Variants in EPHA6 observed in about 807,000 individuals in gnomAD.
The protein encoded by EPHA6 is EPH receptor A6.
EPHA6 carries 50 observed loss-of-function variants against 112.0 expected under a neutral mutation model. The observed-to-expected ratio is 0.45, with a 90% CI of 0.36 to 0.56. The LOEUF is 0.56. Among genes scored for constraint, EPHA6 ranks in the 20% least tolerant of loss-of-function variants. The pLI, the probability that EPHA6 is intolerant of heterozygous loss-of-function variation, is 0.00. For synonymous variants in EPHA6, 529 were observed against 490.7 expected, an observed-to-expected ratio of 1.08 and a Z score of -1.03; for missense variants, 1,280 against 1,417.4, an observed-to-expected ratio of 0.90 and a Z score of 1.56.
chr3:97,168,397 T>A (rs945292795), intron 3 of EPHA6, among the ~76,000 whole-genome samples: 1 of 152,118 alleles, frequency 6.6e-6, no homozygotes, highest in Non-Finnish European at 1.5e-5. Context: ...GGGTGGTTTC[T>A]AGTGCTGGAG....
rs780244403 is a variant in EPHA6 at position 97,492,547 on chromosome 3, C to CAAAAAAAAAAA, written c.2200+8525_2200+8535dup. On this transcript the variant is annotated intron_variant, in intron 10 of 17. Coordinates refer to ENST00000389672, the MANE Select transcript of EPHA6 (RefSeq NM_001080448.3). Reference sequence around the variant, plus strand: ...ACAGAGCGAGAGTGAGACTCAGTCTCAAAAAAAAAAAAAAAAAAAAAAAAA... The same window carrying CAAAAAAAAAAA: ...ACAGAGCGAGAGTGAGACTCAGTCTCAAAAAAAAAAAAAAAAAAAAAAAAAAAAAAAAAAAA... 5.5e-4 allele frequency among the ~76,000 whole-genome samples: 16 copies of CAAAAAAAAAAA among 28,942 alleles called. 5 individuals are homozygous for CAAAAAAAAAAA. The highest frequency in any genetic ancestry group is 2.4e-3 in the East Asian group (1 of 412). 19.0% of individuals were successfully genotyped at this position (28,942 alleles called of 152,430 possible). A position where few individuals can be genotyped will look rare whatever the true frequency, so the allele number is the denominator to read the frequency against.
At chr3:96,971,764 A>G (rs768437334) in intron 2 of EPHA6, among the ~76,000 whole-genome samples, 6 of 152,174 alleles carry the variant, frequency 3.9e-5, no homozygotes, top group Non-Finnish European at 8.8e-5. Context: ...GCAAGGTAAG[A>G]TGAAGAATGT....
rs1463103605 is a variant in EPHA6 at position 97,380,509 on chromosome 3, AG to A, written c.1607-24635del. 3.3e-5 allele frequency among the ~76,000 whole-genome samples: 5 copies of A among 152,230 alleles called. No individual in the cohort carries two copies. The South Asian group carries it at 8.3e-4, about 25-fold the overall frequency. On this transcript the variant is annotated intron_variant, in intron 5 of 17. Coordinates refer to ENST00000389672, the MANE Select transcript of EPHA6 (RefSeq NM_001080448.3). Reference sequence around the variant, plus strand: ...TGGGCTTCAGGAACACAGGGTGGTGAGGGGGGAAATGTGCCACAAGACTTTC... The same window carrying A: ...TGGGCTTCAGGAACACAGGGTGGTGAGGGGGAAATGTGCCACAAGACTTTC...
At chr3:97,138,211 G>C (rs1383571166) in intron 3 of EPHA6, among the ~76,000 whole-genome samples, 1 of 152,150 alleles carries the variant, frequency 6.6e-6, no homozygotes, top group African/African-American at 2.4e-5. Flanking sequence ...CTTCTAGACT[G>C]TCTGAGGAAG....
chr3:96,891,976 A>G (rs1218710122), intron 2 of EPHA6, among the ~76,000 whole-genome samples: 2 of 152,152 alleles, frequency 1.3e-5, no homozygotes, highest in East Asian at 3.9e-4. Flanking sequence ...TACATTGCCT[A>G]TTGGTGCAGT....
intron 5 of EPHA6, among the ~76,000 whole-genome samples, chr3:97,275,829 G>A (rs1383468936): frequency 1.3e-5 from 2 of 152,166 alleles, no homozygotes; most frequent in East Asian, 3.9e-4. Context: ...GGTGGGTTAA[G>A]GTGGGGGGAT....
intron 16 of EPHA6, among the ~76,000 whole-genome samples, chr3:97,744,097 C>A (rs959907246): frequency 6.6e-6 from 1 of 151,892 alleles, no homozygotes; most frequent in Non-Finnish European, 1.5e-5. Flanking sequence ...ACCTATACTC[C>A]AGCCCTTTCT....
At chr3:97,611,297 A>G (rs1345788241) in intron 13 of EPHA6, among the ~76,000 whole-genome samples, 1 of 151,898 alleles carries the variant, frequency 6.6e-6, no homozygotes, top group Non-Finnish European at 1.5e-5. Flanking sequence ...AAAATGTTCT[A>G]TCAACTTTGT....
chr3:97,261,583 CATT>C (rs2079505212), intron 5 of EPHA6, among the ~76,000 whole-genome samples: 1 of 152,146 alleles, frequency 6.6e-6, no homozygotes, highest in Non-Finnish European at 1.5e-5. Flanking sequence ...TGTCTTTAGA[CATT>C]TATAGGACAA....
chr3:97,218,967 C>CA (rs2078112987), intron 3 of EPHA6, among the ~76,000 whole-genome samples: 1 of 152,084 alleles, frequency 6.6e-6, no homozygotes, highest in African/African-American at 2.4e-5. Flanking sequence ...CTCCAGGCCT[C>CA]CTGTAAGTCT....
At chr3:96,879,487 A>G (rs565343851) in intron 2 of EPHA6, among the ~76,000 whole-genome samples, 2 of 152,184 alleles carry the variant, frequency 1.3e-5, no homozygotes, top group East Asian at 3.9e-4. Context: ...ACATTGGTCA[A>G]TGTGGACAAA....
chr3:97,313,163 T>C (rs2081641801), intron 5 of EPHA6, among the ~76,000 whole-genome samples: 2 of 151,554 alleles, frequency 1.3e-5, no homozygotes, highest in Admixed American at 6.6e-5. Context: ...TGAGATTATA[T>C]GGTATTTGTG....
At chr3:96,959,280 A>G (rs2041875312) in intron 2 of EPHA6, among the ~76,000 whole-genome samples, 1 of 152,288 alleles carries the variant, frequency 6.6e-6, no homozygotes, top group South Asian at 2.1e-4. Flanking sequence ...AGCTTTTCAT[A>G]TGTTTATTAG....
At chr3:97,550,654 A>T (rs779500489) in intron 11 of EPHA6, among the ~76,000 whole-genome samples, 1 of 152,166 alleles carries the variant, frequency 6.6e-6, no homozygotes, top group Non-Finnish European at 1.5e-5. Flanking sequence ...GCTTGGAATG[A>T]TGTCACCAAG....
chr3:97,085,200 C>A (rs1023733871), intron 3 of EPHA6, among the ~76,000 whole-genome samples: 4 of 151,952 alleles, frequency 2.6e-5, no homozygotes, highest in Admixed American at 2.6e-4. Flanking sequence ...TCAGAAGGTA[C>A]CTTATACAAG....
chr3:97,041,856 A>T (rs2045327859), intron 3 of EPHA6, among the ~76,000 whole-genome samples: 1 of 152,006 alleles, frequency 6.6e-6, no homozygotes, highest in African/African-American at 2.4e-5. Context: ...TATCATGCGA[A>T]CAGCAAGGGG....
At chr3:97,251,838 C>A (rs1470777990) in intron 5 of EPHA6, among the ~76,000 whole-genome samples, 1 of 152,026 alleles carries the variant, frequency 6.6e-6, no homozygotes, top group Non-Finnish European at 1.5e-5. Context: ...GAAAAGAGAG[C>A]CATAAAAGGT....
intron 7 of EPHA6, among the ~76,000 whole-genome samples, chr3:97,460,662 C>T (rs955015788): frequency 2.6e-5 from 4 of 152,210 alleles, no homozygotes; most frequent in African/African-American, 9.6e-5. Flanking sequence ...CTACATGCCC[C>T]TCTTCCTGGG....
At chr3:97,638,636 C>T (rs959142689) in intron 14 of EPHA6, among the ~76,000 whole-genome samples, 7 of 152,050 alleles carry the variant, frequency 4.6e-5, no homozygotes, top group African/African-American at 9.7e-5. Flanking sequence ...AGAACCAAAC[C>T]GTCATCCACA....
Sources: allele counts gnomAD v4.1 joint callset (sites outside exome capture counted in the v4.1 genomes callset), GRCh38; gene constraint gnomAD v4.1.1; transcripts MANE v1.5; gene names NCBI Gene and HGNC (gene_info 2026-07-23, HGNC 2026-07-21).